The following PLPPR1 variants were observed in gnomAD, a reference collection of about 807,000 sequenced individuals.
PLPPR1 encodes the protein phospholipid phosphatase related 1.
Under a neutral mutation model 33.1 loss-of-function variants are expected in PLPPR1, and 10 were observed. The observed-to-expected ratio is 0.30, with a 90% CI of 0.19 to 0.51. The LOEUF (loss-of-function observed/expected upper bound fraction) is 0.51. Ranked by LOEUF, PLPPR1 falls within the 20% of genes least tolerant of loss-of-function variation. PLPPR1 has a pLI of 0.97. For missense variants in PLPPR1, 304 were observed against 408.1 expected (o/e 0.74, Z 2.20); for synonymous variants, 151 against 151.0 (o/e 1.00, Z 0.00).
intron 1 of PLPPR1, among the ~76,000 whole-genome samples, chr9:101,070,245 C>T (rs1306373226): frequency 6.6e-6 from 1 of 151,956 alleles, no homozygotes; most frequent in African/African-American, 2.4e-5. Flanking sequence ...ATTTCTTCTC[C>T]CTCATTTATT....
intron 6 of PLPPR1, among the ~76,000 whole-genome samples, chr9:101,314,166 AAAG>A (rs1408637109): frequency 6.6e-6 from 1 of 152,172 alleles, no homozygotes; most frequent in African/African-American, 2.4e-5. Context: ...CCCCAAGGAG[AAAG>A]AAGCCATCAC....
chr9:101,250,816 T>C (rs1185398326), intron 2 of PLPPR1, among the ~76,000 whole-genome samples: 1 of 152,086 alleles, frequency 6.6e-6, no homozygotes, highest in Non-Finnish European at 1.5e-5. Flanking sequence ...AGGTGATAGA[T>C]TTGGGGACTA....
chr9:101,029,924 G>A (rs1829922811), intron 1 of PLPPR1, among the ~76,000 whole-genome samples: 1 of 152,104 alleles, frequency 6.6e-6, no homozygotes, highest in South Asian at 2.1e-4. Flanking sequence ...ATTTCCCAAG[G>A]GTTTTATGAC....
At chr9:101,127,201 G>A (rs181499779) in intron 1 of PLPPR1, among the ~76,000 whole-genome samples, 6 of 152,324 alleles carry the variant, frequency 3.9e-5, no homozygotes, top group Non-Finnish European at 7.3e-5. Flanking sequence ...GTCCTTTGAC[G>A]ATGTGTCCTC....
intron 1 of PLPPR1, among the ~76,000 whole-genome samples, chr9:101,151,699 C>T (rs1057010959): frequency 6.6e-6 from 1 of 152,174 alleles, no homozygotes; most frequent in African/African-American, 2.4e-5. Context: ...TGCCACTTCT[C>T]TCTCTCCCAG....
chr9:101,180,645 A>G (rs1826094594), intron 1 of PLPPR1, among the ~76,000 whole-genome samples: 1 of 151,786 alleles, frequency 6.6e-6, no homozygotes, highest in Non-Finnish European at 1.5e-5. Context: ...GAGAAAGAAT[A>G]GTCTCTTCAA....
intron 1 of PLPPR1, among the ~76,000 whole-genome samples, chr9:101,145,046 T>C (rs1831503627): frequency 6.6e-6 from 1 of 152,150 alleles, no homozygotes; most frequent in South Asian, 2.1e-4. Flanking sequence ...CTTATTTCAG[T>C]TAACATAATG....
At chr9:101,209,935 A>T (rs1046994402) in intron 2 of PLPPR1, among the ~76,000 whole-genome samples, 1 of 152,228 alleles carries the variant, frequency 6.6e-6, no homozygotes. Flanking sequence ...CTGTTAACCC[A>T]GGTATAAGCC....
chr9:101,225,731 C>G (rs1385991194), intron 2 of PLPPR1, among the ~76,000 whole-genome samples: 1 of 138,826 alleles, frequency 7.2e-6, no homozygotes, highest in Admixed American at 7.2e-5. Flanking sequence ...CCCCGCCCCC[C>G]ACCCCACCAC....
In PLPPR1 at chr9:101,286,175, A is replaced by G; in HGVS notation, c.324A>G (p.Thr108=). ...AATCCCTGATTGCTCAGGAGAAAAC[A>G]ATTCTGACCGGAGAATGCTGTTACC... is the stretch of plus-strand genomic sequence containing the variant. ...TRESLIAQEK[T]ILTGECCYLN... The change falls in exon 4 of 8, where the codon ACA becomes ACG. Residue 108 remains threonine (T), a synonymous_variant. Transcript: ENST00000374874. 6.2e-7 allele frequency: 1 copy of G among 1,613,672 alleles called. No homozygotes were observed. The highest frequency in any genetic ancestry group is 8.5e-7 in the Non-Finnish European group (1 of 1,179,590).
At chr9:101,062,149 G>GGTGTGTGTGTGTGT (rs56998660) in intron 1 of PLPPR1, among the ~76,000 whole-genome samples, 10 of 148,550 alleles carry the variant, frequency 6.7e-5, no homozygotes, top group African/African-American at 1.7e-4. Flanking sequence ...GACAAAATGT[G>GGTGTGTGTGTGTGT]GTGTGTGTGT....
chr9:101,092,618 C>G (rs531899242), intron 1 of PLPPR1, among the ~76,000 whole-genome samples: 1 of 152,152 alleles, frequency 6.6e-6, no homozygotes, highest in African/African-American at 2.4e-5. Context: ...GCTGCAGGAA[C>G]ATTGCACCCT....
chr9:101,168,156 C>A (rs1825887836), intron 1 of PLPPR1, among the ~76,000 whole-genome samples: 1 of 152,110 alleles, frequency 6.6e-6, no homozygotes. Flanking sequence ...GGGGACACAG[C>A]CAAACCATAT....
chr9:101,088,890 A>G (rs1477534587), intron 1 of PLPPR1, among the ~76,000 whole-genome samples: 1 of 152,194 alleles, frequency 6.6e-6, no homozygotes, highest in African/African-American at 2.4e-5. Flanking sequence ...AAGTAACAAC[A>G]CAAACACAAA....
chr9:101,118,556 A>G (rs961592307), intron 1 of PLPPR1, among the ~76,000 whole-genome samples: 4 of 152,152 alleles, frequency 2.6e-5, no homozygotes, highest in Admixed American at 6.5e-5. Context: ...ATAAAGATGA[A>G]TTTCAGTTGG....
chr9:101,141,726 C>T (rs1000196450), intron 1 of PLPPR1, among the ~76,000 whole-genome samples: 2 of 152,038 alleles, frequency 1.3e-5, no homozygotes, highest in African/African-American at 4.8e-5. Flanking sequence ...ATGGGAAAGA[C>T]GTAAAGAAGT....
At chr9:101,238,319 GGAT>G (rs1827372001) in intron 2 of PLPPR1, among the ~76,000 whole-genome samples, 2 of 122,576 alleles carry the variant, frequency 1.6e-5, no homozygotes, top group African/African-American at 3.2e-5. Flanking sequence ...TATGTATATA[GGAT>G]GTATATATAC....
intron 3 of PLPPR1, among the ~76,000 whole-genome samples, chr9:101,272,907 A>G (rs1487341135): frequency 5.3e-5 from 8 of 152,288 alleles, no homozygotes; most frequent in African/African-American, 1.9e-4. Context: ...CCCAGTCATT[A>G]ATTACATTTT....
At chr9:101,146,770 A>G (rs1355955305) in intron 1 of PLPPR1, among the ~76,000 whole-genome samples, 1 of 152,232 alleles carries the variant, frequency 6.6e-6, no homozygotes, top group Non-Finnish European at 1.5e-5. Flanking sequence ...ACAGGCCATC[A>G]TCCTAGGGTC....
Sources: allele counts gnomAD v4.1 joint callset (sites outside exome capture counted in the v4.1 genomes callset), GRCh38; gene constraint gnomAD v4.1.1; transcripts MANE v1.5; gene names NCBI Gene and HGNC (gene_info 2026-07-23, HGNC 2026-07-21).